The following TAFA5 variants were observed in gnomAD, a reference collection of about 807,000 sequenced individuals.
The protein encoded by TAFA5 is TAFA chemokine like family member 5, also known as chemokine-like protein TAFA-5.
A neutral mutation model predicts 15.3 loss-of-function variants in TAFA5; 6 were observed. That is an observed-to-expected ratio of 0.39 (90% confidence interval 0.21 to 0.77). The LOEUF (loss-of-function observed/expected upper bound fraction) is 0.77. Ranked by LOEUF, TAFA5 falls within the 30% of genes least tolerant of loss-of-function variation. TAFA5 has a pLI of 0.41. For missense variants in TAFA5, 161 were observed against 193.1 expected, an observed-to-expected ratio of 0.83 and a Z score of 0.98; for synonymous variants, 103 against 80.7, an observed-to-expected ratio of 1.28 and a Z score of -1.48.
intron 2 of TAFA5, among the ~76,000 whole-genome samples, chr22:48,652,836 G>T (rs1927103747): frequency 6.6e-6 from 1 of 152,078 alleles, no homozygotes. Flanking sequence ...GCATGGACAT[G>T]TCGGCTTCCT....
At chr22:48,652,736 AG>A (rs1927097268) in intron 2 of TAFA5, among the ~76,000 whole-genome samples, 1 of 152,204 alleles carries the variant, frequency 6.6e-6, no homozygotes, top group South Asian at 2.1e-4. Context: ...TCCTGAGAAA[AG>A]GACTCATGTT....
intron 2 of TAFA5, among the ~76,000 whole-genome samples, chr22:48,694,799 GA>G (rs1928654737): frequency 7.0e-4 from 19 of 27,268 alleles, no homozygotes; most frequent in Admixed American, 1.0e-3. Flanking sequence ...CACCGCTCCA[GA>G]CCTCCGCCCC....
At position 48,550,544 on chromosome 22, in the gene TAFA5, G is replaced by A. The variant is rs919178228; in HGVS notation, c.112+60840G>A. ...CCGGCATTGTGTGAAGGAGTGTCTT[G>A]TATCAAAGCAGATATGCCCTGCCCC... On this transcript the variant is annotated intron_variant, in intron 1 of 3. Transcript: ENST00000402357. This position sits in a 1 kb window ranked among gnomAD's most constrained non-coding sequence, Gnocchi z 4.1. Among the ~76,000 whole-genome samples, 4 of 152,312 alleles carry A rather than the reference G, an allele frequency of 2.6e-5. No individual in the cohort carries two copies. Among genetic ancestry groups the A allele is most frequent in the South Asian group, 2.1e-4 (1 of 4,822 alleles).
At chr22:48,646,464 C>T in intron 1 of TAFA5, 133 bp from the exon 2 acceptor site, 1 of 1,160,512 alleles carries the variant, frequency 8.6e-7, no homozygotes, top group Non-Finnish European at 1.2e-6. Flanking sequence ...CGGACGCTCC[C>T]TCTGAGTGAA....
At chr22:48,493,258 T>A (rs1160269137) in intron 1 of TAFA5, among the ~76,000 whole-genome samples, 1 of 151,964 alleles carries the variant, frequency 6.6e-6, no homozygotes, top group South Asian at 2.1e-4. Context: ...CCAGGGAGAG[T>A]GAGGAAGACA....
At chr22:48,527,198 G>C (rs1160779208) in intron 1 of TAFA5, among the ~76,000 whole-genome samples, 2 of 152,252 alleles carry the variant, frequency 1.3e-5, no homozygotes, top group Non-Finnish European at 2.9e-5. Context: ...CAATGCTAGA[G>C]TCAGAGGCGA....
chr22:48,614,492 T>C (rs1276382847), intron 1 of TAFA5, among the ~76,000 whole-genome samples: 3 of 152,184 alleles, frequency 2.0e-5, no homozygotes, highest in Non-Finnish European at 4.4e-5. Flanking sequence ...AATCCCGCCT[T>C]GTACCAACCC....
intron 1 of TAFA5, chr22:48,546,631 A>G (rs760379006): frequency 2.1e-6 from 1 of 470,888 alleles, no homozygotes; most frequent in South Asian, 1.5e-5. Context: ...GCGTGAGGGC[A>G]TGGCCTGGCG....
intron 1 of TAFA5, among the ~76,000 whole-genome samples, chr22:48,615,179 T>C (rs373452090): frequency 2.0e-4 from 30 of 152,270 alleles, no homozygotes; most frequent in African/African-American, 7.2e-4. Context: ...TATGTGTCTC[T>C]CCAGGTGAGA....
chr22:48,711,929 G>A (rs1372530988), intron 3 of TAFA5, among the ~76,000 whole-genome samples: 1 of 152,228 alleles, frequency 6.6e-6, no homozygotes, highest in African/African-American at 2.4e-5. Context: ...TAGCACGGGC[G>A]CTGGGCCTAA....
At chr22:48,622,728 G>A (rs1189732585) in intron 1 of TAFA5, among the ~76,000 whole-genome samples, 5 of 152,358 alleles carry the variant, frequency 3.3e-5, no homozygotes, top group South Asian at 2.1e-4. Flanking sequence ...AGGTGGTATC[G>A]ATGCGGGACA....
At chr22:48,694,613 A>G (rs1428591270) in intron 2 of TAFA5, among the ~76,000 whole-genome samples, 4 of 151,954 alleles carry the variant, frequency 2.6e-5, no homozygotes, top group Admixed American at 6.6e-5. Context: ...TGCTGGTCAC[A>G]AGTCACCAAG....
intron 3 of TAFA5, among the ~76,000 whole-genome samples, chr22:48,741,599 G>A (rs1335415869): frequency 6.6e-6 from 1 of 152,204 alleles, no homozygotes; most frequent in Non-Finnish European, 1.5e-5. Flanking sequence ...GGGATCCTTG[G>A]GGTCCAGGGT....
intron 1 of TAFA5, among the ~76,000 whole-genome samples, chr22:48,522,192 G>A (rs1254657917): frequency 2.0e-5 from 3 of 152,026 alleles, no homozygotes; most frequent in Admixed American, 2.0e-4. Flanking sequence ...GTCCAAGACT[G>A]GAACCTCCTC....
chr22:48,519,835 C>T (rs1299366051), intron 1 of TAFA5, among the ~76,000 whole-genome samples: 3 of 152,220 alleles, frequency 2.0e-5, no homozygotes, highest in Non-Finnish European at 4.4e-5. Flanking sequence ...GTCACCTAAC[C>T]TCTCTGTGCC....
chr22:48,512,078 C>T (rs948247276), intron 1 of TAFA5, among the ~76,000 whole-genome samples: 3 of 152,184 alleles, frequency 2.0e-5, no homozygotes, highest in South Asian at 2.1e-4. Flanking sequence ...AAGGGGCCCT[C>T]GCCACCCGAT....
At chr22:48,729,287 A>AATTTATATTTATTT (rs1259726071) in intron 3 of TAFA5, among the ~76,000 whole-genome samples, 5 of 133,584 alleles carry the variant, frequency 3.7e-5, no homozygotes, top group Admixed American at 1.7e-4. Flanking sequence ...ATAAATATAT[A>AATTTATATTTATTT]ATAATTTTAT....
chr22:48,565,404 T>C (rs1923376031), intron 1 of TAFA5, among the ~76,000 whole-genome samples: 1 of 152,200 alleles, frequency 6.6e-6, no homozygotes, highest in Admixed American at 6.5e-5. Context: ...GGGGTGATGC[T>C]CCTGTTTTAG....
intron 1 of TAFA5, among the ~76,000 whole-genome samples, chr22:48,513,218 G>T (rs1260010554): frequency 6.6e-6 from 1 of 152,230 alleles, no homozygotes; most frequent in African/African-American, 2.4e-5. Context: ...CTCCGCATTG[G>T]TGATAAGAGC....
Sources: gnomAD v4.1 joint callset for allele counts (sites outside exome capture counted in the v4.1 genomes callset) on GRCh38, gnomAD v4.1.1 for gene constraint, Gnocchi (gnomAD v3.1) non-coding constraint, MANE v1.5 for transcripts, NCBI Gene and HGNC (gene_info 2026-07-23, HGNC 2026-07-21) for gene names.